PARVB: variants seen among roughly 807,000 people sequenced by gnomAD.
PARVB encodes the protein parvin beta.
Under a neutral mutation model 47.0 loss-of-function variants are expected in PARVB, and 46 were observed. The observed-to-expected ratio is 0.98, with a 90% CI of 0.77 to 1.25. The LOEUF (loss-of-function observed/expected upper bound fraction) is 1.25. PARVB is among the 50% of genes most tolerant of loss of function. The probability of loss-of-function intolerance (pLI) is 0.00; values close to 1 mark genes in which losing one functional copy is unlikely to be tolerated. For missense variants in PARVB, 473 were observed against 471.6 expected (o/e 1.00, Z -0.03); for synonymous variants, 196 against 196.3 (o/e 1.00, Z 0.01).
intron 6 of PARVB, among the ~76,000 whole-genome samples, chr22:44,135,630 A>G (rs1378584144): frequency 2.6e-5 from 4 of 152,224 alleles, no homozygotes; most frequent in Admixed American, 6.5e-5. Context: ...TAGGGCAGCC[A>G]TAACAAAGTA....
chr22:44,027,106 G>A (rs130416), intron 1 of PARVB, among the ~76,000 whole-genome samples: 1 of 152,050 alleles, frequency 6.6e-6, no homozygotes, highest in Non-Finnish European at 1.5e-5. Flanking sequence ...GAACTGTGAC[G>A]AACTGTGGGC....
intron 4 of PARVB, among the ~76,000 whole-genome samples, chr22:44,124,940 C>G (rs2053155191): frequency 6.6e-6 from 1 of 152,066 alleles, no homozygotes; most frequent in Non-Finnish European, 1.5e-5. Flanking sequence ...AAACTTGGCC[C>G]TGAAAACACA....
chr22:44,024,269 C>G (rs1346169161), upstream of PARVB: 4 of 880,528 alleles, frequency 4.5e-6, no homozygotes, highest in African/African-American at 1.8e-5. Flanking sequence ...GGGCCGCGCC[C>G]TCGGCCTCTC....
At chr22:44,028,409 A>C (rs919838390) in intron 1 of PARVB, among the ~76,000 whole-genome samples, 2 of 152,206 alleles carry the variant, frequency 1.3e-5, no homozygotes, top group South Asian at 4.1e-4. Flanking sequence ...AGTGTACAGT[A>C]GCGTTTTCAG....
Position 43,999,380 on chromosome 22 carries a change from AG to A in PARVB, c.44del (p.Gly15AspfsTer15), listed in dbSNP as rs2050387727. 3.1e-6 allele frequency: 5 copies of A among 1,611,044 alleles called. No individual in the cohort carries two copies. The highest frequency in any genetic ancestry group is 4.2e-6 in the Non-Finnish European group (5 of 1,178,472). ...TAAAGATCACCAAAGAGGAGAGAAA[AG>A]GGGATTCCTTAGTCCAGAGAACAAA... On this transcript the variant is annotated frameshift_variant, in exon 1 of 14. Transcript: ENST00000406477. LOFTEE classifies it high-confidence loss of function.
chr22:44,087,918 G>T (rs1039941445), intron 1 of PARVB, among the ~76,000 whole-genome samples: 1 of 142,920 alleles, frequency 7.0e-6, no homozygotes, highest in Admixed American at 7.3e-5. Context: ...TTTGGAAGCC[G>T]CACATATTCC....
chr22:44,146,328 T>TGGTCACACAC (rs1555911163), intron 8 of PARVB: 8 of 72,038 alleles, frequency 1.1e-4, no homozygotes, highest in East Asian at 9.1e-4. Flanking sequence ...CGCACACATG[T>TGGTCACACAC]GCTCACGTGC....
intron 1 of PARVB, among the ~76,000 whole-genome samples, chr22:44,045,249 C>T (rs901328052): frequency 6.6e-6 from 1 of 152,078 alleles, no homozygotes; most frequent in Non-Finnish European, 1.5e-5. Context: ...GAGAGAGTCT[C>T]TGTCTAAATA....
intron 1 of PARVB, among the ~76,000 whole-genome samples, chr22:44,025,723 T>TTCTC (rs3831713): frequency 0.3 from 45,089 of 151,866 alleles, 7,549 homozygotes; most frequent in African/African-American, 0.47. Context: ...GCTGTCACCC[T>TTCTC]TCTATCATCC....
intron 1 of PARVB, among the ~76,000 whole-genome samples, chr22:44,060,925 A>G (rs2051407091): frequency 6.6e-6 from 1 of 152,174 alleles, no homozygotes; most frequent in Non-Finnish European, 1.5e-5. Flanking sequence ...AGATCCATAC[A>G]TAACTTTTTC....
At chr22:44,029,382 T>A (rs374650947) in intron 1 of PARVB, among the ~76,000 whole-genome samples, 28 of 152,334 alleles carry the variant, frequency 1.8e-4, no homozygotes, top group African/African-American at 6.7e-4. Context: ...TGCAAATATT[T>A]TCTCCCAGCC....
intron 10 of PARVB, among the ~76,000 whole-genome samples, chr22:44,156,138 C>T (rs2053927832): frequency 1.3e-5 from 2 of 152,100 alleles, no homozygotes; most frequent in Non-Finnish European, 2.9e-5. Context: ...TGCACTCCAG[C>T]AGGGCCCAGA....
intron 10 of PARVB, among the ~76,000 whole-genome samples, chr22:44,157,695 A>G (rs1025732417): frequency 1.3e-5 from 2 of 152,154 alleles, no homozygotes; most frequent in Non-Finnish European, 2.9e-5. Context: ...CCTGGGCAAC[A>G]TGGTGAAACC....
At chr22:44,136,591 GC>G in intron 7 of PARVB, 73 bp downstream of exon 7, 1 of 1,275,804 alleles carries the variant, frequency 7.8e-7, no homozygotes, top group Non-Finnish European at 1.1e-6. Flanking sequence ...TGCCACTTCA[GC>G]CAGGGACACC....
chr22:44,050,880 CG>C (rs2051196644), intron 1 of PARVB, among the ~76,000 whole-genome samples: 1 of 152,168 alleles, frequency 6.6e-6, no homozygotes, highest in Non-Finnish European at 1.5e-5. Context: ...GCACACAGCC[CG>C]TCACCAGGAG....
At chr22:44,140,241 A>G in intron 8 of PARVB, 98 bp downstream of exon 8, 1 of 1,208,946 alleles carries the variant, frequency 8.3e-7, no homozygotes, top group Non-Finnish European at 1.2e-6. Context: ...GGAGTGGGAA[A>G]CTAGATGGGT....
chr22:44,157,264 A>C (rs777287503), intron 10 of PARVB, among the ~76,000 whole-genome samples: 1 of 152,098 alleles, frequency 6.6e-6, no homozygotes, highest in African/African-American at 2.4e-5. Context: ...GCTGATGCTG[A>C]TGGAGCACTC....
chr22:44,155,667 G>A lies in PARVB; in HGVS notation c.844-2315G>A, dbSNP rs2053916604. 6.6e-6 allele frequency among the ~76,000 whole-genome samples: 1 copy of A among 152,154 alleles called. No individual in the cohort carries two copies. The highest frequency in any genetic ancestry group is 1.5e-5 in the Non-Finnish European group (1 of 68,018). The stretch of plus-strand genomic sequence containing the variant: ...GACGTGGGCATGGCAGCTCAATGTT[G>A]TTCTGCTGGGAAGGTGCCAGCACGC... On this transcript the variant is annotated intron_variant, in intron 10 of 12. Transcript: ENST00000338758. This position sits in a 1 kb window ranked among gnomAD's most constrained non-coding sequence, Gnocchi z 4.8.
intron 2 of PARVB, among the ~76,000 whole-genome samples, chr22:43,999,906 CTT>C (rs2050397289): frequency 1.4e-5 from 2 of 146,308 alleles, no homozygotes; most frequent in South Asian, 2.2e-4. Flanking sequence ...ACTTGGGAGA[CTT>C]AGGTGGGAGG....
Sources: allele counts gnomAD v4.1 joint callset (sites outside exome capture counted in the v4.1 genomes callset), GRCh38; gene constraint gnomAD v4.1.1; non-coding constraint Gnocchi (gnomAD v3.1); transcripts MANE v1.5; gene names NCBI Gene and HGNC (gene_info 2026-07-23, HGNC 2026-07-21).